Variants in AUTS2 observed in about 807,000 individuals in gnomAD.
The protein encoded by AUTS2 is activator of transcription and developmental regulator AUTS2.
A neutral mutation model predicts 112.4 loss-of-function variants in AUTS2; 17 were observed. The observed-to-expected ratio is 0.15, with a 90% confidence interval of 0.10 to 0.23. The LOEUF is 0.23. Among genes scored for constraint, AUTS2 ranks in the 10% least tolerant of loss-of-function variants. The probability of loss-of-function intolerance (pLI) is 1.00; values close to 1 mark genes in which losing one functional copy is unlikely to be tolerated. For missense variants in AUTS2, 1,510 were observed against 1,701.6 expected (o/e 0.89, Z 1.98); for synonymous variants, 751 against 702.7 (o/e 1.07, Z -1.09).
intron 4 of AUTS2, among the ~76,000 whole-genome samples, chr7:70,374,011 A>G (rs1792969721): frequency 6.6e-6 from 1 of 152,114 alleles, no homozygotes; most frequent in South Asian, 2.1e-4. Context: ...TATATAACCT[A>G]TCTCCTGCAA....
chr7:70,125,877 C>T (rs1469777855), intron 3 of AUTS2, among the ~76,000 whole-genome samples: 3 of 152,182 alleles, frequency 2.0e-5, no homozygotes, highest in African/African-American at 7.2e-5. Flanking sequence ...TGGGAGAATA[C>T]ATTCAGTCCC....
chr7:70,392,327 T>C (rs558123840), intron 4 of AUTS2, among the ~76,000 whole-genome samples: 1 of 152,276 alleles, frequency 6.6e-6, no homozygotes, highest in African/African-American at 2.4e-5. Flanking sequence ...TCCTGAAACA[T>C]TTCAGCATGT....
intron 4 of AUTS2, 84 bp from the exon 5 acceptor site, chr7:70,435,668 T>G (rs1795862814): frequency 7.4e-7 from 1 of 1,353,300 alleles, no homozygotes. Flanking sequence ...ACTTTTTTTG[T>G]ATGGGGGTTG....
At chr7:70,238,876 T>C (rs937296850) in intron 4 of AUTS2, among the ~76,000 whole-genome samples, 1 of 152,030 alleles carries the variant, frequency 6.6e-6, no homozygotes, top group South Asian at 2.1e-4. Context: ...GTACATGCAC[T>C]TGTTTGTGTG....
chr7:70,060,582 G>T (rs1219184119), intron 2 of AUTS2, among the ~76,000 whole-genome samples: 1 of 152,296 alleles, frequency 6.6e-6, no homozygotes, highest in African/African-American at 2.4e-5. Flanking sequence ...CACTTACTTT[G>T]TAATGCACAT....
chr7:69,787,419 C>G (rs1045532525), intron 1 of AUTS2, among the ~76,000 whole-genome samples: 1 of 152,228 alleles, frequency 6.6e-6, no homozygotes, highest in African/African-American at 2.4e-5. Flanking sequence ...GGATCTTTCT[C>G]TCTAAAGCAC....
chr7:70,492,247 T>C (rs1477108289), intron 5 of AUTS2, among the ~76,000 whole-genome samples: 5 of 152,172 alleles, frequency 3.3e-5, no homozygotes, highest in Non-Finnish European at 2.9e-5. Context: ...CAAGATTGTA[T>C]ACTTAATGAA....
At chr7:70,382,797 A>C (rs1304628764) in intron 4 of AUTS2, among the ~76,000 whole-genome samples, 2 of 152,154 alleles carry the variant, frequency 1.3e-5, no homozygotes, top group Non-Finnish European at 2.9e-5. Context: ...CACTCACTGC[A>C]TTGCATTATG....
In AUTS2 at chr7:70,698,604, T is replaced by C. The variant is rs1809269209; in HGVS notation, c.726T>C (p.Thr242=). 1 of 1,607,484 alleles carries C rather than the reference T, an allele frequency of 6.2e-7. No individual in the cohort carries two copies. The highest frequency in any genetic ancestry group is 1.3e-5 in the African/African-American group (1 of 74,850). ...SDASSEKLFN[T]VIVNKDPELG... ...CCAGCTCTGAAAAACTCTTCAACACTGTTATTGTAAACAAAGGTAAGACCC... is the reference window on the plus strand; with the variant it reads ...CCAGCTCTGAAAAACTCTTCAACACCGTTATTGTAAACAAAGGTAAGACCC... Residue 242 remains threonine, a synonymous_variant, in exon 6 of 19, where the codon ACT becomes ACC. Coordinates refer to ENST00000342771, the MANE Select transcript of AUTS2 (RefSeq NM_015570.4).
At chr7:70,070,802 G>A (rs1802725245) in intron 2 of AUTS2, among the ~76,000 whole-genome samples, 1 of 151,856 alleles carries the variant, frequency 6.6e-6, no homozygotes, top group Admixed American at 6.6e-5. Context: ...AACCTGGGAG[G>A]TGGAGGTTGC....
intron 4 of AUTS2, among the ~76,000 whole-genome samples, chr7:70,233,658 A>G (rs1812172694): frequency 6.6e-6 from 1 of 152,220 alleles, no homozygotes; most frequent in African/African-American, 2.4e-5. Context: ...ACTTTCACAC[A>G]GTCAAACAGC....
intron 2 of AUTS2, among the ~76,000 whole-genome samples, chr7:69,970,519 C>CA (rs1479631466): frequency 6.6e-6 from 1 of 152,158 alleles, no homozygotes; most frequent in Non-Finnish European, 1.5e-5. Context: ...TCTTTGTTCC[C>CA]AAAGGAGCTG....
chr7:70,435,278 A>C (rs1024583533), intron 4 of AUTS2, among the ~76,000 whole-genome samples: 3 of 152,224 alleles, frequency 2.0e-5, no homozygotes, highest in African/African-American at 7.2e-5. Context: ...CCAGAGGTTT[A>C]CCTCTTTTCC....
intron 1 of AUTS2, among the ~76,000 whole-genome samples, chr7:69,772,955 A>C (rs1335405669): frequency 6.6e-6 from 1 of 152,182 alleles, no homozygotes; most frequent in Non-Finnish European, 1.5e-5. Flanking sequence ...TATTTGAATA[A>C]GTTTAAAAAA....
chr7:70,386,217 G>A (rs1793599809), intron 4 of AUTS2, among the ~76,000 whole-genome samples: 1 of 152,116 alleles, frequency 6.6e-6, no homozygotes. Context: ...AATGCCTGAT[G>A]TCTTAGACAG....
At chr7:70,554,105 G>A (rs1435087356) in intron 5 of AUTS2, among the ~76,000 whole-genome samples, 8 of 119,378 alleles carry the variant, frequency 6.7e-5, no homozygotes, top group Non-Finnish European at 1.2e-4. Flanking sequence ...TTTCGCTCTT[G>A]TCGCCCAGGC....
At chr7:70,056,027 G>A (rs1460133817) in intron 2 of AUTS2, among the ~76,000 whole-genome samples, 7 of 151,770 alleles carry the variant, frequency 4.6e-5, no homozygotes, top group Non-Finnish European at 8.8e-5. Context: ...TTGCTCTGTC[G>A]CCCAGGCTGG....
intron 2 of AUTS2, among the ~76,000 whole-genome samples, chr7:70,095,175 A>G (rs75883511): frequency 1.1e-4 from 17 of 152,344 alleles, no homozygotes; most frequent in Non-Finnish European, 2.1e-4. Flanking sequence ...TGCCTGCTCC[A>G]GACAAGCAGA....
At chr7:69,704,908 C>A (rs505949) in intron 1 of AUTS2, among the ~76,000 whole-genome samples, 17 of 151,898 alleles carry the variant, frequency 1.1e-4, no homozygotes, top group Non-Finnish European at 2.1e-4. Context: ...GTTCTGTCAC[C>A]CAGGCTAGAG....
Sources: allele counts gnomAD v4.1 joint callset (sites outside exome capture counted in the v4.1 genomes callset), GRCh38; gene constraint gnomAD v4.1.1; transcripts MANE v1.5; gene names NCBI Gene and HGNC (gene_info 2026-07-23, HGNC 2026-07-21).